Variants in ESYT3 observed in about 807,000 individuals in gnomAD.
ESYT3 encodes extended synaptotagmin 3.
A neutral mutation model predicts 111.5 loss-of-function variants in ESYT3; 101 were observed. That is an observed-to-expected ratio of 0.91 (90% CI 0.77 to 1.07). The LOEUF (loss-of-function observed/expected upper bound fraction) is 1.07, where lower values mean the gene tolerates loss of function less well. ESYT3 is among the 50% of genes least tolerant of loss of function. The pLI is 0.00. For missense variants in ESYT3, 1,097 were observed against 1,109.4 expected (o/e 0.99, Z 0.16); for synonymous variants, 416 against 446.8 (o/e 0.93, Z 0.87).
chr3:138,456,414 G>A (rs755593307), intron 3 of ESYT3, among the ~76,000 whole-genome samples: 4 of 152,214 alleles, frequency 2.6e-5, no homozygotes, highest in African/African-American at 4.8e-5. Flanking sequence ...AAAAGGTGAT[G>A]GCTCAGTTGG....
At position 138,464,462 on chromosome 3, in the gene ESYT3, C is replaced by A. The variant is rs747365255; in HGVS notation, c.1033C>A (p.Arg345=). 29 of 1,614,036 alleles carry A rather than the reference C, an allele frequency of 1.8e-5. No individual in the cohort carries two copies. In the Admixed American group the frequency reaches 4.8e-4, roughly 27 times the overall value. The change falls in exon 9 of 23, where the codon CGG becomes AGG. Residue 345 remains arginine (R), a synonymous_variant. Transcript: ENST00000389567. The stretch of plus-strand genomic sequence containing the variant: ...GGTGAGCATCGGCCTACAGCATTTC[C>A]GGAGTAGGACCATCTACAGGAACCT... The part of the protein sequence containing the change: ...AKVSIGLQHF[R]SRTIYRNLNP...
Position 138,440,281 on chromosome 3 carries a change from G to A in ESYT3, c.327+5156G>A, listed in dbSNP as rs1407771556. On this transcript the variant is annotated intron_variant, in intron 1 of 22. Coordinates refer to ENST00000389567, the MANE Select transcript of ESYT3 (RefSeq NM_031913.5). The surrounding 1 kb of genome is among the most constrained non-coding windows in gnomAD (Gnocchi z 4.2). ...TGAGGCGCAGAGCAGTGGTCCCTGG[G>A]ATTGCTCCCTCCAAGCCTCCCTGCC... Among the ~76,000 whole-genome samples, 1 of 152,216 alleles carries A rather than the reference G, an allele frequency of 6.6e-6. No individual in the cohort carries two copies. The highest frequency in any genetic ancestry group is 1.5e-5 in the Non-Finnish European group (1 of 68,048).
At position 138,472,761 on chromosome 3, in the gene ESYT3, A is replaced by G. The variant is rs551882250; in HGVS notation, c.2139A>G (p.Pro713=). ...SPRPMKCPAS[P]FAWPPKRLAP... is the part of the protein sequence containing the mutation. ...GACCCATGAAATGCCCTGCCTCCCC[A>G]TTCGCATGGCCGCCCAAGAGGCTGG... The change falls in exon 18 of 23, where the codon CCA becomes CCG. Residue 713 remains proline, a synonymous_variant. Coordinates refer to ENST00000389567, the MANE Select transcript of ESYT3 (RefSeq NM_031913.5). 2.5e-6 allele frequency: 4 copies of G among 1,614,178 alleles called. No homozygotes were observed. In the African/African-American group the frequency reaches 5.3e-5, roughly 22 times the overall value.
chr3:138,472,893 C>T lies in ESYT3; in HGVS notation c.2237+34C>T, dbSNP rs139403723. 81 of 1,576,576 alleles carry T rather than the reference C, an allele frequency of 5.1e-5. No individual in the cohort carries two copies. The East Asian group carries it at 7.0e-4, about 14-fold the overall frequency. On this transcript the variant is annotated intron_variant, in intron 18 of 22. Transcript: ENST00000389567. ...CTCTCTGCTTAATCTTTTCTAAAAT[C>T]GCCTGTATGAAAAATACCTCGCTGG...
chr3:138,448,097 C>T (rs1177961302), intron 1 of ESYT3, among the ~76,000 whole-genome samples: 2 of 151,512 alleles, frequency 1.3e-5, no homozygotes, highest in Admixed American at 1.3e-4. Flanking sequence ...GAAACCCTGT[C>T]TCTGCTAAAA....
chr3:138,480,619 AC>A (rs2033671525), downstream of ESYT3: 1 of 152,224 alleles, frequency 6.6e-6, no homozygotes, highest in South Asian at 2.1e-4. Flanking sequence ...ACATTCAACA[AC>A]CCCTATAAGA....
At position 138,459,951 on chromosome 3, in the gene ESYT3, G is replaced by C; in HGVS notation, c.655G>C (p.Gly219Arg). ...GCCCTCTGTGCCTATCCAGTTGCAG[G>C]GCACCCTGCGGGTCATCCTGGAGCC... ...QAGVNGIQLQGTLRVILEPLL... is the reference protein window; with the variant it reads ...QAGVNGIQLQRTLRVILEPLL... The change falls in exon 6 of 23, where the codon GGC becomes CGC. Residue 219 changes from glycine (G) to arginine (R), a missense_variant. Gly to Arg is a moderately radical substitution (Grantham distance 125, BLOSUM62 -2). Coordinates refer to ENST00000389567, the MANE Select transcript of ESYT3 (RefSeq NM_031913.5). 6.2e-7 allele frequency: 1 copy of C among 1,613,940 alleles called. No individual in the cohort carries two copies. The highest frequency in any genetic ancestry group is 8.5e-7 in the Non-Finnish European group (1 of 1,179,894).
At chr3:138,441,135 G>A (rs1679176) in intron 1 of ESYT3, among the ~76,000 whole-genome samples, 9,420 of 152,234 alleles carry the variant, frequency 0.062, 845 homozygotes, top group East Asian at 0.35. Flanking sequence ...TTGGGGACTC[G>A]GCCCACAGTC....
At chr3:138,475,912 C>T (rs1236463708) in intron 20 of ESYT3, among the ~76,000 whole-genome samples, 4 of 152,202 alleles carry the variant, frequency 2.6e-5, no homozygotes, top group East Asian at 1.9e-4. Flanking sequence ...GGCGACAGAG[C>T]GAAACTCCGT....
intron 20 of ESYT3, among the ~76,000 whole-genome samples, chr3:138,475,001 T>C (rs753695470): frequency 1.3e-5 from 2 of 152,232 alleles, no homozygotes; most frequent in Non-Finnish European, 2.9e-5. Flanking sequence ...TTACATCTCA[T>C]AATTTTCCTG....
rs891572714 is a variant in ESYT3 at position 138,467,461 on chromosome 3, G to A, written c.1170-100G>A. Reference sequence around the variant, plus strand: ...GGTAAGATCCTCTGTCTTAATGGCCGCACTCAGATATCTGAAAACAGAGTC... The same window carrying A: ...GGTAAGATCCTCTGTCTTAATGGCCACACTCAGATATCTGAAAACAGAGTC... On this transcript the variant is annotated intron_variant, in intron 10 of 22. Transcript: ENST00000389567. 21 of 1,179,362 alleles carry A rather than the reference G, an allele frequency of 1.8e-5. No individual in the cohort carries two copies. In the East Asian group the frequency reaches 1.9e-4, roughly 11 times the overall value. 73.1% of individuals were successfully genotyped at this position (1,179,362 alleles called of 1,614,324 possible).
chr3:138,468,076 T>C (rs780994366), intron 11 of ESYT3, 29 bp from the exon 12 acceptor site: 10 of 1,611,242 alleles, frequency 6.2e-6, no homozygotes, highest in Middle Eastern at 1.6e-4. Context: ...CTGGCCCTTT[T>C]CCCTGAGCTT....
Position 138,469,651 on chromosome 3 carries a change from A to G in ESYT3, c.1503+147A>G. ...TTAGTCTTCAGAATAACCTCACAAA[A>G]TAGTTTTATAATTCAAGAATCTGAG... On this transcript the variant is annotated intron_variant, in intron 15 of 22. Coordinates refer to ENST00000389567, the MANE Select transcript of ESYT3 (RefSeq NM_031913.5). 4.7e-6 allele frequency: 3 copies of G among 636,244 alleles called. No individual in the cohort carries two copies. The South Asian group carries it at 5.9e-5, about 12-fold the overall frequency. The allele number at this position is 636,244 out of a possible 1,614,324, so 39.4% of individuals were successfully genotyped here. A position where few individuals can be genotyped will look rare whatever the true frequency, so the allele number is the denominator to read the frequency against.
At chr3:138,450,402 T>C (rs2031844261) in intron 1 of ESYT3, among the ~76,000 whole-genome samples, 1 of 152,146 alleles carries the variant, frequency 6.6e-6, no homozygotes, top group Non-Finnish European at 1.5e-5. Context: ...TGAACTGAGC[T>C]CCTGCCCACT....
At chr3:138,474,465 G>T in intron 20 of ESYT3, 113 bp downstream of exon 20, 1 of 1,213,032 alleles carries the variant, frequency 8.2e-7, no homozygotes. Flanking sequence ...GGCTGAACAA[G>T]ACAACATAGT....
In ESYT3 at chr3:138,465,404, G is replaced by A; in HGVS notation, c.1152G>A (p.Arg384=). 1.3e-6 allele frequency: 2 copies of A among 1,593,246 alleles called. No individual in the cohort carries two copies. Among genetic ancestry groups the A allele is most frequent in the Non-Finnish European group, 1.7e-6 (2 of 1,170,590 alleles). Residue 384 remains arginine, a synonymous_variant, in exon 10 of 23, where the codon AGG becomes AGA. Transcript: ENST00000389567. ...EVDLYDEDTD[R]DDFLGSLQIC... ...ACCTGTATGATGAGGATACCGACAG[G>A]GATGACTTCCTGGGCAGGTGAGGAG...
Position 138,435,087 on chromosome 3 carries a change from A to G in ESYT3, c.289A>G (p.Ile97Val), listed in dbSNP as rs768159492. ...ATTCCTTGACAATGAACGCGAGTTC[A>G]TCAGCCGCGAGCTGCGGGGCCAGCA... is the stretch of plus-strand genomic sequence containing the variant. Reference protein sequence around the residue: ...FEFLDNEREFISRELRGQHLP... With the variant: ...FEFLDNEREFVSRELRGQHLP... Residue 97 changes from isoleucine to valine, a missense_variant, in exon 1 of 23, where the codon ATC (isoleucine) becomes GTC (valine). Coordinates refer to ENST00000389567, the MANE Select transcript of ESYT3 (RefSeq NM_031913.5). The surrounding 1 kb of genome is among the most constrained non-coding windows in gnomAD (Gnocchi z 4.8). The G allele has an allele frequency of 4.5e-5, 71 of 1,591,124 alleles. No homozygotes were observed. Among genetic ancestry groups the G allele is most frequent in the Non-Finnish European group, 6.0e-5 (70 of 1,171,570 alleles).
At chr3:138,474,500 C>G (rs1184378125) in intron 20 of ESYT3, 148 bp downstream of exon 20, 1 of 845,030 alleles carries the variant, frequency 1.2e-6, no homozygotes, top group South Asian at 2.8e-5. Context: ...AGCTTCTGTA[C>G]GTTAGTGGGG....
rs1445029481 is a variant in ESYT3 at position 138,464,385 on chromosome 3, C to T, written c.956C>T (p.Ala319Val). Reference sequence around the variant, plus strand: ...CACTTGCTGGAGGCAGAGCAGCTGGCCCAGAAGGACAACTTTCTGGGGCTC... The same window carrying T: ...CACTTGCTGGAGGCAGAGCAGCTGGTCCAGAAGGACAACTTTCTGGGGCTC... ...RVHLLEAEQLAQKDNFLGLRG... is the reference protein window; with the variant it reads ...RVHLLEAEQLVQKDNFLGLRG... Residue 319 changes from alanine (A) to valine (V), a missense_variant, in exon 9 of 23, where the codon GCC becomes GTC. Physicochemically the swap from Ala to Val is moderately conservative, Grantham distance 64. Transcript: ENST00000389567. 4 of 1,614,124 alleles carry T rather than the reference C, an allele frequency of 2.5e-6. No individual in the cohort carries two copies. Among genetic ancestry groups the T allele is most frequent in the Non-Finnish European group, 3.4e-6 (4 of 1,180,000 alleles).
Sources: allele counts gnomAD v4.1 joint callset (sites outside exome capture counted in the v4.1 genomes callset), GRCh38; gene constraint gnomAD v4.1.1; non-coding constraint Gnocchi (gnomAD v3.1); transcripts MANE v1.5; gene names NCBI Gene and HGNC (gene_info 2026-07-23, HGNC 2026-07-21).